Variants in SNTG1 observed in about 807,000 individuals in gnomAD.
SNTG1 encodes gamma-1-syntrophin.
In SNTG1, 39 loss-of-function variants were observed where a neutral mutation model predicts 74.7. The ratio of observed to expected loss-of-function variants is 0.52; its 90% CI spans 0.40 to 0.68. The LOEUF is 0.68. Ranked by LOEUF, SNTG1 falls within the 30% of genes least tolerant of loss-of-function variation. The pLI, the probability that SNTG1 is intolerant of heterozygous loss-of-function variation, is 0.00. For missense variants in SNTG1, 685 were observed against 609.5 expected, an observed-to-expected ratio of 1.12 and a Z score of -1.30; for synonymous variants, 254 against 217.1, an observed-to-expected ratio of 1.17 and a Z score of -1.49.
chr8:50,641,322 T>A (rs776806963), intron 13 of SNTG1, among the ~76,000 whole-genome samples: 29 of 152,296 alleles, frequency 1.9e-4, no homozygotes, highest in South Asian at 4.1e-4. Flanking sequence ...TCCTGCTTCA[T>A]TGAGAAAATT....
chr8:50,315,674 T>A (rs2090288323), intron 2 of SNTG1, among the ~76,000 whole-genome samples: 1 of 139,234 alleles, frequency 7.2e-6, no homozygotes, highest in Non-Finnish European at 1.5e-5. Context: ...ATTCTAAGAA[T>A]GTTTTCTTTC....
intron 18 of SNTG1, among the ~76,000 whole-genome samples, chr8:50,789,142 G>T (rs936193545): frequency 1.3e-5 from 2 of 151,832 alleles, no homozygotes; most frequent in African/African-American, 2.4e-5. Flanking sequence ...ACCTTCACAT[G>T]CAGGCTCTCA....
chr8:49,961,565 A>G (rs545333010), intron 1 of SNTG1, among the ~76,000 whole-genome samples: 13 of 152,226 alleles, frequency 8.5e-5, no homozygotes, highest in Non-Finnish European at 1.8e-4. Context: ...ACCTTGCTAA[A>G]TAAAAACTTC....
chr8:49,988,715 T>C (rs1813401847), intron 1 of SNTG1, among the ~76,000 whole-genome samples: 1 of 152,064 alleles, frequency 6.6e-6, no homozygotes, highest in Non-Finnish European at 1.5e-5. Flanking sequence ...AATACTTTGA[T>C]ATAAGTGAAA....
chr8:50,220,976 C>T lies in SNTG1; in HGVS notation c.-28+48341C>T, dbSNP rs117492059. ...TCACACTGTGGCTGCAGATAGAACACTGCACTAAGCAGGTGGAGAAAATGT... is the reference window on the plus strand; with the variant it reads ...TCACACTGTGGCTGCAGATAGAACATTGCACTAAGCAGGTGGAGAAAATGT... On this transcript the variant is annotated intron_variant, in intron 2 of 18. Coordinates refer to ENST00000642720, the MANE Select transcript of SNTG1 (RefSeq NM_018967.5). 9.8e-3 allele frequency among the ~76,000 whole-genome samples: 1,491 copies of T among 152,316 alleles called. 19 individuals carry two copies. The highest frequency in any genetic ancestry group is 0.014 in the South Asian group (69 of 4,828).
chr8:50,576,314 T>A (rs2094576564), intron 12 of SNTG1, among the ~76,000 whole-genome samples: 1 of 152,202 alleles, frequency 6.6e-6, no homozygotes, highest in Non-Finnish European at 1.5e-5. Context: ...TTCTGGACTC[T>A]ATTCTATTCT....
chr8:50,752,059 G>A lies in SNTG1; in HGVS notation c.1343G>A (p.Ser448Asn). 1 of 1,566,912 alleles carries A rather than the reference G, an allele frequency of 6.4e-7. No individual in the cohort carries two copies. The highest frequency in any genetic ancestry group is 8.6e-7 in the Non-Finnish European group (1 of 1,160,470). The change falls in exon 18 of 19, where the codon AGC (serine) becomes AAC (asparagine). Residue 448 changes from serine (S) to asparagine (N), a missense_variant. Transcript: ENST00000642720. Reference protein sequence around the residue: ...QLKGSSDDGKSKIKFLFQNPD... With the variant: ...QLKGSSDDGKNKIKFLFQNPD... ...AAAGGTTCTTCAGATGATGGCAAGA[G>A]CAAAATCAAATTTTTGTTTCAGAAT...
At chr8:50,715,509 G>C (rs551911207) in intron 17 of SNTG1, among the ~76,000 whole-genome samples, 15 of 152,226 alleles carry the variant, frequency 9.9e-5, no homozygotes, top group African/African-American at 3.1e-4. Context: ...ATCAAGATTG[G>C]TTAACAGATC....
At chr8:50,718,743 T>C (rs1289446187) in intron 17 of SNTG1, among the ~76,000 whole-genome samples, 7 of 152,212 alleles carry the variant, frequency 4.6e-5, no homozygotes, top group Non-Finnish European at 1.5e-5. Context: ...AGAATTTGCA[T>C]CAATAAAGTT....
At chr8:50,679,329 T>C (rs903756400) in intron 15 of SNTG1, among the ~76,000 whole-genome samples, 9 of 152,136 alleles carry the variant, frequency 5.9e-5, no homozygotes, top group Non-Finnish European at 1.2e-4. Context: ...TAGAATGAAC[T>C]AGCCTGATGT....
chr8:50,105,514 T>G (rs2080334950), intron 1 of SNTG1, among the ~76,000 whole-genome samples: 1 of 152,008 alleles, frequency 6.6e-6, no homozygotes, highest in Non-Finnish European at 1.5e-5. Flanking sequence ...CTTATTATTG[T>G]TTTGGCTCTT....
chr8:50,493,874 C>A (rs1052812830), intron 8 of SNTG1, among the ~76,000 whole-genome samples: 2 of 150,528 alleles, frequency 1.3e-5, no homozygotes, highest in Non-Finnish European at 3.0e-5. Context: ...ATAAAGATAA[C>A]CATTATCTCC....
intron 12 of SNTG1, among the ~76,000 whole-genome samples, chr8:50,586,659 A>G (rs1423329265): frequency 1.3e-5 from 2 of 151,844 alleles, no homozygotes; most frequent in Non-Finnish European, 2.9e-5. Flanking sequence ...TAATACACAC[A>G]CACACACACA....
intron 15 of SNTG1, among the ~76,000 whole-genome samples, chr8:50,676,343 T>G (rs973184646): frequency 6.6e-6 from 1 of 151,900 alleles, no homozygotes; most frequent in Admixed American, 6.6e-5. Flanking sequence ...TTTCTCTGGT[T>G]TTTTCTGTAT....
intron 13 of SNTG1, among the ~76,000 whole-genome samples, chr8:50,608,022 ATTTATTT>A (rs933371304): frequency 6.6e-6 from 1 of 151,302 alleles, no homozygotes; most frequent in African/African-American, 2.4e-5. Flanking sequence ...CCCCTATTTT[ATTTATTT>A]TTTAAGTATT....
At chr8:50,267,993 G>A (rs1454430423) in intron 2 of SNTG1, among the ~76,000 whole-genome samples, 4 of 152,222 alleles carry the variant, frequency 2.6e-5, no homozygotes, top group South Asian at 2.1e-4. Context: ...TACCAATGAC[G>A]TTTTTGACTA....
At chr8:50,354,588 A>G (rs975961062) in intron 2 of SNTG1, among the ~76,000 whole-genome samples, 5 of 152,152 alleles carry the variant, frequency 3.3e-5, no homozygotes, top group African/African-American at 9.7e-5. Context: ...CTCTTCTGTT[A>G]TATTAGTTTT....
chr8:50,689,687 A>G (rs1364311802), intron 15 of SNTG1, among the ~76,000 whole-genome samples: 2 of 152,186 alleles, frequency 1.3e-5, no homozygotes, highest in Non-Finnish European at 2.9e-5. Flanking sequence ...GATGTTCATC[A>G]AGGATATTGG....
chr8:50,531,163 T>G (rs1310228006), intron 10 of SNTG1, among the ~76,000 whole-genome samples: 2 of 152,186 alleles, frequency 1.3e-5, no homozygotes, highest in Non-Finnish European at 2.9e-5. Flanking sequence ...CGGTACCTGA[T>G]TTCCCTAGTA....
Sources: allele counts gnomAD v4.1 joint callset (sites outside exome capture counted in the v4.1 genomes callset), GRCh38; gene constraint gnomAD v4.1.1; transcripts MANE v1.5; gene names NCBI Gene and HGNC (gene_info 2026-07-23, HGNC 2026-07-21).